MTO1: variants seen among roughly 807,000 people sequenced by gnomAD.
MTO1 encodes mitochondrial tRNA translation optimization 1.
A neutral mutation model predicts 71.6 loss-of-function variants in MTO1; 46 were observed. The observed-to-expected ratio is 0.64, with a 90% CI of 0.51 to 0.82. The LOEUF is 0.82. MTO1 is among the 40% of genes least tolerant of loss of function. The probability of loss-of-function intolerance (pLI) is 0.00; values close to 1 mark genes in which losing one functional copy is unlikely to be tolerated. For missense variants in MTO1, 773 were observed against 867.5 expected, an observed-to-expected ratio of 0.89 and a Z score of 1.37; for synonymous variants, 297 against 312.1, an observed-to-expected ratio of 0.95 and a Z score of 0.51.
intron 3 of MTO1, chr6:73,471,381 T>G (rs890827282): frequency 2.3e-6 from 1 of 434,612 alleles, no homozygotes; most frequent in African/African-American, 2.1e-5. Context: ...GGTTATATTG[T>G]TTTTATTAGT....
intron 4 of MTO1, among the ~76,000 whole-genome samples, chr6:73,474,344 A>G (rs576431908): frequency 4.3e-4 from 65 of 151,842 alleles, no homozygotes; most frequent in Non-Finnish European, 8.1e-4. Flanking sequence ...CAGCCTCTCA[A>G]AGTGCTGGGA....
rs748413711 is a variant in MTO1 at position 73,461,957 on chromosome 6, C to G, written c.103C>G (p.Pro35Ala). The G allele has an allele frequency of 6.2e-6, 10 of 1,614,262 alleles. No homozygotes were observed. Among genetic ancestry groups the G allele is most frequent in the Non-Finnish European group, 6.8e-6 (8 of 1,180,052 alleles). ...LSSDSAAPRTPHFDVIVIGGG... is the reference protein window; with the variant it reads ...LSSDSAAPRTAHFDVIVIGGG... ...CAGTGACAGCGCGGCGCCCCGGACT[C>G]CGCACTTCGACGTGATAGTCATTGG... The change falls in exon 1 of 12, where the codon CCG (proline) becomes GCG (alanine). Residue 35 changes from proline (P) to alanine (A), a missense_variant. By Grantham distance (27) the Pro-to-Ala change is conservative. Coordinates refer to ENST00000498286, the MANE Select transcript of MTO1 (RefSeq NM_012123.4).
intron 3 of MTO1, among the ~76,000 whole-genome samples, chr6:73,470,268 G>A (rs144203294): frequency 6.6e-6 from 1 of 151,780 alleles, no homozygotes; most frequent in Non-Finnish European, 1.5e-5. Context: ...GTGCAATGGC[G>A]TGATCTCGGC....
chr6:73,500,489 C>A, intron 11 of MTO1, 85 bp from the exon 12 acceptor site: 2 of 1,170,104 alleles, frequency 1.7e-6, no homozygotes, highest in South Asian at 1.7e-5. Flanking sequence ...ATAAACTATA[C>A]TATACAGATT....
chr6:73,492,440 A>T, intron 10 of MTO1, 88 bp downstream of exon 10: 1 of 865,850 alleles, frequency 1.2e-6, no homozygotes, highest in Non-Finnish European at 1.9e-6. Context: ...TTGGACCAGC[A>T]CAGTGTTAGC....
rs1004104541 is a variant in MTO1 at position 73,502,980 on chromosome 6, A to G, written c.*2245A>G. 21 of 152,358 alleles carry G rather than the reference A, an allele frequency of 1.4e-4. 1 individual carries two copies. The highest frequency in any genetic ancestry group is 5.0e-4 in the African/African-American group (21 of 41,600). 9.4% of individuals were successfully genotyped at this position (152,358 alleles called of 1,614,324 possible). On this transcript the variant is annotated 3_prime_UTR_variant, in exon 12 of 12. Coordinates refer to ENST00000498286, the MANE Select transcript of MTO1 (RefSeq NM_012123.4). ...TTGGGGCTAGTGACACTATACACAT[A>G]TAAAGAAACTTTAAAGTTTCTTAGT...
Position 73,502,447 on chromosome 6 carries a change from AAAG to A in MTO1, c.*1715_*1717del, listed in dbSNP as rs1487889803. 6.6e-6 allele frequency: 1 copy of A among 151,840 alleles called. No individual in the cohort carries two copies. The highest frequency in any genetic ancestry group is 1.5e-5 in the Non-Finnish European group (1 of 68,030). The allele number at this position is 151,840 out of a possible 1,614,324, so 9.4% of individuals were successfully genotyped here. ...CGACAGAGTGAGACTGTTTCAAAAA[AAAG>A]AAAAAGAAAAGAAGGTATTTTGTGT... On this transcript the variant is annotated 3_prime_UTR_variant, in exon 12 of 12. Coordinates refer to ENST00000498286, the MANE Select transcript of MTO1 (RefSeq NM_012123.4).
chr6:73,464,703 C>T (rs1009728561), intron 1 of MTO1, among the ~76,000 whole-genome samples: 6 of 150,398 alleles, frequency 4.0e-5, no homozygotes, highest in African/African-American at 9.8e-5. Flanking sequence ...GGCGTGGTGG[C>T]GTATGCCTGT....
chr6:73,496,767 T>A (rs1455448789), intron 10 of MTO1, among the ~76,000 whole-genome samples: 1 of 151,762 alleles, frequency 6.6e-6, no homozygotes, highest in Admixed American at 6.6e-5. Flanking sequence ...AGAAGTAGCT[T>A]ATCTCAGCCG....
At chr6:73,484,996 G>A (rs1291915221) in intron 9 of MTO1, among the ~76,000 whole-genome samples, 9 of 146,660 alleles carry the variant, frequency 6.1e-5, no homozygotes, top group East Asian at 2.0e-4. Flanking sequence ...GCAGTGAGCC[G>A]AAATCACACC....
rs914719593 is a variant in MTO1, at chr6:73,505,400, G to C, written c.*4665G>C. 6 of 152,128 alleles carry C rather than the reference G, an allele frequency of 3.9e-5. No individual in the cohort carries two copies. The highest frequency in any genetic ancestry group is 1.4e-4 in the African/African-American group (6 of 41,424). The allele number at this position is 152,128 out of a possible 1,614,324, so 9.4% of individuals were successfully genotyped here. A position where few individuals can be genotyped will look rare whatever the true frequency, so the allele number is the denominator to read the frequency against. Reference sequence around the variant, plus strand: ...AAGTTATGCTAACTGAAATCAGCCAGTCACAAAAAGACAAATACTGTATGA... The same window carrying C: ...AAGTTATGCTAACTGAAATCAGCCACTCACAAAAAGACAAATACTGTATGA... On this transcript the variant is annotated 3_prime_UTR_variant, in exon 12 of 12. Transcript: ENST00000498286.
In MTO1 at chr6:73,502,586, A is replaced by T. The variant is rs1336427625; in HGVS notation, c.*1851A>T. The T allele has an allele frequency of 2.6e-5, 4 of 151,280 alleles. No individual in the cohort carries two copies. Among genetic ancestry groups the T allele is most frequent in the Admixed American group, 6.6e-5 (1 of 15,250 alleles). 9.4% of individuals were successfully genotyped at this position (151,280 alleles called of 1,614,324 possible). ...ATGGAGTGCCTTTTGAATAGAATAT[A>T]ACAAAAATTTATCTTAAAGAAACGG... On this transcript the variant is annotated 3_prime_UTR_variant, in exon 12 of 12. Coordinates refer to ENST00000498286, the MANE Select transcript of MTO1 (RefSeq NM_012123.4).
chr6:73,498,896 T>G (rs1772075320), intron 11 of MTO1, among the ~76,000 whole-genome samples: 1 of 152,056 alleles, frequency 6.6e-6, no homozygotes, highest in South Asian at 2.1e-4. Flanking sequence ...AGCTAATTTT[T>G]TTTTGTACTT....
At chr6:73,470,342 G>T (rs1771115137) in intron 3 of MTO1, among the ~76,000 whole-genome samples, 1 of 151,876 alleles carries the variant, frequency 6.6e-6, no homozygotes, top group African/African-American at 2.4e-5. Flanking sequence ...GAGTAGCTGG[G>T]ACTACAGGCA....
At position 73,479,830 on chromosome 6, in the gene MTO1, G is replaced by A. The variant is rs962712902; in HGVS notation, c.924G>A (p.Thr308=). The part of the protein sequence containing the change: ...NLHLNSHVKE[T]TRGPRYCPSI... ...ACCTTAATAGTCATGTTAAAGAAAC[G>A]ACAAGAGGACCTCGGTAAGGACAAA... The change falls in exon 5 of 12, where the codon ACG becomes ACA. Residue 308 remains threonine, a synonymous_variant. Coordinates refer to ENST00000498286, the MANE Select transcript of MTO1 (RefSeq NM_012123.4). 15 of 1,612,480 alleles carry A rather than the reference G, an allele frequency of 9.3e-6. No individual in the cohort carries two copies. Among genetic ancestry groups the A allele is most frequent in the African/African-American group, 1.3e-5 (1 of 75,006 alleles).
In MTO1 at chr6:73,494,012, C is replaced by G. The variant is rs556077399; in HGVS notation, c.1756+1660C>G. ...CTTTGGGAGGCTGAGGTGGGCAGAT[C>G]ACCTGAGGTCAGAAGTTCGAGACCA... On this transcript the variant is annotated intron_variant, in intron 10 of 11. Coordinates refer to ENST00000498286, the MANE Select transcript of MTO1 (RefSeq NM_012123.4). Among the ~76,000 whole-genome samples the G allele has an allele frequency of 2.2e-4, 34 of 152,004 alleles. No homozygotes were observed. The East Asian group carries it at 4.3e-3, about 19-fold the overall frequency.
intron 7 of MTO1, 70 bp downstream of exon 7, chr6:73,480,875 TTG>T: frequency 6.7e-7 from 1 of 1,503,468 alleles, no homozygotes; most frequent in Non-Finnish European, 9.1e-7. Flanking sequence ...TTAATGTCTG[TTG>T]TGTTAACTAT....
chr6:73,498,605 T>A (rs2150045406), intron 11 of MTO1, among the ~76,000 whole-genome samples: 1 of 152,164 alleles, frequency 6.6e-6, no homozygotes, highest in South Asian at 2.1e-4. Context: ...TGTAAACAAA[T>A]AAACTTTTAA....
chr6:73,497,873 C>T lies in MTO1; in HGVS notation c.1894C>T (p.Leu632=), dbSNP rs117757245. The T allele has an allele frequency of 8.2e-3, 13,186 of 1,612,248 alleles. 92 individuals carry two copies. Among genetic ancestry groups the T allele is most frequent in the Non-Finnish European group, 0.01 (12,172 of 1,178,664 alleles). Reference sequence around the variant, plus strand: ...TTTGTCCCATGAAGTTCGAGAGAAACTACATTTTAGTCGTCCACAGACGGT... The same window carrying T: ...TTTGTCCCATGAAGTTCGAGAGAAATTACATTTTAGTCGTCCACAGACGGT... ...VSLSHEVREK[L]HFSRPQTIGA... Residue 632 remains leucine (L), a synonymous_variant, in exon 11 of 12, where the codon CTA becomes TTA. Transcript: ENST00000498286.
Sources: allele counts gnomAD v4.1 joint callset (sites outside exome capture counted in the v4.1 genomes callset), GRCh38; gene constraint gnomAD v4.1.1; transcripts MANE v1.5; gene names NCBI Gene and HGNC (gene_info 2026-07-23, HGNC 2026-07-21).